STK3: variants seen among roughly 807,000 people sequenced by gnomAD.
STK3 encodes the protein serine/threonine-protein kinase 3.
Under a neutral mutation model 58.0 loss-of-function variants are expected in STK3, and 41 were observed. The observed-to-expected ratio is 0.71, with a 90% CI of 0.55 to 0.92. The LOEUF (loss-of-function observed/expected upper bound fraction) is 0.92. Ranked by LOEUF, STK3 falls within the 40% of genes least tolerant of loss-of-function variation. The pLI is 0.00. For synonymous variants in STK3, 170 were observed against 191.0 expected (o/e 0.89, Z 0.91); for missense variants, 479 against 602.7 (o/e 0.79, Z 2.15).
At chr8:98,496,635 G>A (rs1015941641) in intron 10 of STK3, among the ~76,000 whole-genome samples, 9 of 151,984 alleles carry the variant, frequency 5.9e-5, no homozygotes, top group South Asian at 4.1e-4. Flanking sequence ...AATCCTATTC[G>A]GCCTTAAAAA....
In STK3 at chr8:98,428,392, A is replaced by T. The variant is rs1818276259; in HGVS notation, n.483+5735T>A. Reference sequence around the variant, plus strand: ...CCCGAGCAGGAGAAGTGGGACGAGCAGAGTGACCAGGAGAGCACCACGTCT... The same window carrying T: ...CCCGAGCAGGAGAAGTGGGACGAGCTGAGTGACCAGGAGAGCACCACGTCT... On this transcript the variant is annotated intron_variant and non_coding_transcript_variant, in intron 3 of 3. Transcript: ENST00000517832. This position sits in a 1 kb window ranked among gnomAD's most constrained non-coding sequence, Gnocchi z 6.7. 1.2e-6 allele frequency: 2 copies of T among 1,614,084 alleles called. No homozygotes were observed. Among genetic ancestry groups the T allele is most frequent in the African/African-American group, 2.7e-5 (2 of 74,936 alleles).
chr8:98,937,609 CA>C (rs1840242496), intron 1 of STK3, among the ~76,000 whole-genome samples: 3 of 152,204 alleles, frequency 2.0e-5, no homozygotes, highest in Admixed American at 2.0e-4. Context: ...TTCAAGGTTT[CA>C]AACAATAGCA....
chr8:98,427,198 C>A, intron 3 of STK3: 1 of 149,694 alleles, frequency 6.7e-6, no homozygotes, highest in East Asian at 2.0e-4. Context: ...GGCCCCCGCC[C>A]GCCGGCCCGC....
At chr8:98,568,171 T>C (rs2131669306) in intron 8 of STK3, among the ~76,000 whole-genome samples, 1 of 152,110 alleles carries the variant, frequency 6.6e-6, no homozygotes, top group African/African-American at 2.4e-5. Flanking sequence ...AAATTACAAA[T>C]GGCAGGAGCT....
intron 1 of STK3, among the ~76,000 whole-genome samples, chr8:98,910,841 C>T (rs373400634): frequency 1.1e-4 from 17 of 152,182 alleles, no homozygotes; most frequent in South Asian, 2.1e-4. Context: ...GTCCCTCCCA[C>T]GGTTACAGTG....
chr8:98,428,178 C>T lies in STK3; in HGVS notation n.483+5949G>A. On this transcript the variant is annotated intron_variant and non_coding_transcript_variant, in intron 3 of 3. Transcript: ENST00000517832. This position sits in a 1 kb window ranked among gnomAD's most constrained non-coding sequence, Gnocchi z 6.7. ...CTGCGATGACTACGACGACGTCCAG[C>T]GGGAGTTCTACTTCGACCGCAACCC... 1 of 1,614,106 alleles carries T rather than the reference C, an allele frequency of 6.2e-7. No individual in the cohort carries two copies. Among genetic ancestry groups the T allele is most frequent in the Non-Finnish European group, 8.5e-7 (1 of 1,180,028 alleles).
chr8:98,360,844 TA>T, the STK3 span, among the ~76,000 whole-genome samples: 15 of 152,202 alleles, frequency 9.9e-5, no homozygotes, highest in African/African-American at 3.6e-4. Context: ...GGGCTGAGGC[TA>T]TGTGATTACA....
At chr8:98,853,059 T>C (rs1197101583) in intron 3 of STK3, among the ~76,000 whole-genome samples, 1 of 151,984 alleles carries the variant, frequency 6.6e-6, no homozygotes. Flanking sequence ...GTGCATTGTT[T>C]GGTATAGTCA....
chr8:98,911,194 C>T (rs962254763), intron 1 of STK3, among the ~76,000 whole-genome samples: 1 of 152,140 alleles, frequency 6.6e-6, no homozygotes, highest in Admixed American at 6.5e-5. Context: ...ATTGGTCGTT[C>T]TCAACAAATT....
At chr8:98,591,490 TA>T (rs1193008773) in intron 7 of STK3, among the ~76,000 whole-genome samples, 1 of 152,218 alleles carries the variant, frequency 6.6e-6, no homozygotes, top group Non-Finnish European at 1.5e-5. Context: ...CACTTGTACT[TA>T]AAAACTTGGC....
chr8:98,776,387 T>C (rs1831679537), intron 1 of STK3, among the ~76,000 whole-genome samples: 1 of 152,228 alleles, frequency 6.6e-6, no homozygotes. Flanking sequence ...TTGTTATTCC[T>C]TGACAACTGT....
intron 10 of STK3, among the ~76,000 whole-genome samples, chr8:98,520,734 C>T (rs1825295583): frequency 6.6e-6 from 1 of 151,984 alleles, no homozygotes; most frequent in Non-Finnish European, 1.5e-5. Context: ...GGAAGATAAA[C>T]ACATAAACCT....
intron 6 of STK3, chr8:98,606,229 TC>T (rs1334556122): frequency 6.6e-6 from 1 of 152,152 alleles, no homozygotes; most frequent in Non-Finnish European, 1.5e-5. Context: ...GTCTCCACCT[TC>T]CAATTTACTT....
Position 98,455,404 on chromosome 8 carries a change from TA to T in STK3, c.*437del, listed in dbSNP as rs894344519. On this transcript the variant is annotated 3_prime_UTR_variant, in exon 11 of 11. Transcript: ENST00000419617. ...ACCAAAGCTATCCTGATCTTGTCCT[TA>T]AAAAATGAAACAAAGCAAAATAGCA... 7 of 155,410 alleles carry T rather than the reference TA, an allele frequency of 4.5e-5. No individual in the cohort carries two copies. Among genetic ancestry groups the T allele is most frequent in the African/African-American group, 1.7e-4 (7 of 41,440 alleles). 9.6% of individuals were successfully genotyped at this position (155,410 alleles called of 1,614,324 possible). A position where few individuals can be genotyped will look rare whatever the true frequency, so the allele number is the denominator to read the frequency against.
chr8:98,559,047 C>T (rs887750365), intron 8 of STK3, among the ~76,000 whole-genome samples: 1 of 152,176 alleles, frequency 6.6e-6, no homozygotes, highest in South Asian at 2.1e-4. Flanking sequence ...TCCCCCACAA[C>T]CCAAATATTT....
intron 4 of STK3, among the ~76,000 whole-genome samples, chr8:98,712,228 C>A (rs4440607): frequency 6.6e-6 from 1 of 151,930 alleles, no homozygotes. Context: ...TATCAACTAA[C>A]GAGCAAAATA....
intron 6 of STK3, among the ~76,000 whole-genome samples, chr8:98,618,231 G>C (rs1817937447): frequency 6.6e-6 from 1 of 150,900 alleles, no homozygotes; most frequent in Admixed American, 6.6e-5. Context: ...TATCTCAATA[G>C]ATGCAGAAAA....
chr8:98,905,763 C>T, intron 1 of STK3: 1 of 454,498 alleles, frequency 2.2e-6, no homozygotes, highest in Non-Finnish European at 4.1e-6. Flanking sequence ...AGAAAAACTT[C>T]AGCCGAATTA....
chr8:98,761,413 C>T (rs139686614), intron 3 of STK3, among the ~76,000 whole-genome samples: 23 of 152,110 alleles, frequency 1.5e-4, no homozygotes, highest in African/African-American at 5.5e-4. Flanking sequence ...GCATGAGCCA[C>T]CACATACAAT....
Sources: gnomAD v4.1 joint callset for allele counts (sites outside exome capture counted in the v4.1 genomes callset) on GRCh38, gnomAD v4.1.1 for gene constraint, Gnocchi (gnomAD v3.1) non-coding constraint, MANE v1.5 for transcripts, NCBI Gene and HGNC (gene_info 2026-07-23, HGNC 2026-07-21) for gene names.